Variants in COL5A1 observed in about 807,000 individuals in gnomAD.
COL5A1 encodes the protein collagen alpha-1(V) chain.
A neutral mutation model predicts 263.7 loss-of-function variants in COL5A1; 16 were observed. The ratio of observed to expected loss-of-function variants is 0.06; its 90% CI spans 0.04 to 0.09. The LOEUF is 0.09. COL5A1 is among the 10% of genes least tolerant of loss of function. The probability of loss-of-function intolerance (pLI) is 1.00; values close to 1 mark genes in which losing one functional copy is unlikely to be tolerated. For synonymous variants in COL5A1, 1,012 were observed against 1,004.5 expected, an observed-to-expected ratio of 1.01 and a Z score of -0.14; for missense variants, 2,036 against 2,540.5, an observed-to-expected ratio of 0.80 and a Z score of 4.27.
chr9:134,737,985 T>C (rs7041099), intron 9 of COL5A1, among the ~76,000 whole-genome samples: 89,997 of 152,036 alleles, frequency 0.59, 28,273 homozygotes, highest in African/African-American at 0.81. Flanking sequence ...GTTGCAGCCC[T>C]GGGGCCTGAC....
Position 134,742,438 on chromosome 9 carries a change from C to T in COL5A1, c.1494+3630C>T, listed in dbSNP as rs750133541. Reference sequence around the variant, plus strand: ...GCTGTGTCCGGGTGGAGAAGGGGCTCGAACCATCATCCCATCCAGTTTCCC... The same window carrying T: ...GCTGTGTCCGGGTGGAGAAGGGGCTTGAACCATCATCCCATCCAGTTTCCC... On this transcript the variant is annotated intron_variant, in intron 11 of 65. Coordinates refer to ENST00000371817, the MANE Select transcript of COL5A1 (RefSeq NM_000093.5). The surrounding 1 kb of genome is among the most constrained non-coding windows in gnomAD (Gnocchi z 4.6). Among the ~76,000 whole-genome samples, 17 of 151,826 alleles carry T rather than the reference C, an allele frequency of 1.1e-4. No individual in the cohort carries two copies. Among genetic ancestry groups the T allele is most frequent in the African/African-American group, 3.6e-4 (15 of 41,318 alleles).
In COL5A1 at chr9:134,681,109, T is replaced by C. The variant is rs1329346108; in HGVS notation, c.110-9803T>C. Among the ~76,000 whole-genome samples, 1 of 152,130 alleles carries C rather than the reference T, an allele frequency of 6.6e-6. No homozygotes were observed. On this transcript the variant is annotated intron_variant, in intron 1 of 65. Transcript: ENST00000371817. The surrounding 1 kb of genome is among the most constrained non-coding windows in gnomAD (Gnocchi z 4.3). Reference sequence around the variant, plus strand: ...TCAGTCGCAGCCTCCAGAGCGCCTCTGTTTTTCGACCTGCTGGGTTGACCT... The same window carrying C: ...TCAGTCGCAGCCTCCAGAGCGCCTCCGTTTTTCGACCTGCTGGGTTGACCT...
intron 1 of COL5A1, among the ~76,000 whole-genome samples, chr9:134,675,235 G>C (rs1443631170): frequency 6.6e-6 from 1 of 152,164 alleles, no homozygotes; most frequent in Non-Finnish European, 1.5e-5. Context: ...GGAGCATAAA[G>C]AGAATGAATG....
intron 63 of COL5A1, among the ~76,000 whole-genome samples, chr9:134,826,722 G>GTA: frequency 1.2e-5 from 1 of 83,312 alleles, no homozygotes; most frequent in Non-Finnish European, 2.3e-5. Context: ...TGTGTGGGTG[G>GTA]TGTGTGGGTG....
intron 52 of COL5A1, among the ~76,000 whole-genome samples, chr9:134,816,410 G>A (rs1196065534): frequency 6.6e-6 from 1 of 152,244 alleles, no homozygotes; most frequent in South Asian, 2.1e-4. Context: ...TTTAAACACC[G>A]CTTCAAGCCC....
chr9:134,759,368 GCA>G (rs148297957), intron 18 of COL5A1, among the ~76,000 whole-genome samples: 6,140 of 101,324 alleles, frequency 0.061, 263 homozygotes, highest in East Asian at 0.19. Flanking sequence ...ATACACAGAT[GCA>G]CACACACCAC....
At chr9:134,735,890 G>A (rs898780204) in intron 9 of COL5A1, among the ~76,000 whole-genome samples, 1 of 152,256 alleles carries the variant, frequency 6.6e-6, no homozygotes, top group Non-Finnish European at 1.5e-5. Flanking sequence ...GGATGGGAGG[G>A]GTGGGGAGAT....
chr9:134,745,028 A>C (rs1446906681), intron 11 of COL5A1, among the ~76,000 whole-genome samples: 1 of 152,244 alleles, frequency 6.6e-6, no homozygotes, highest in Non-Finnish European at 1.5e-5. Flanking sequence ...AATCCCCAGC[A>C]GCCTGGTCGT....
chr9:134,823,077 G>A (rs769741521), intron 60 of COL5A1, 44 bp downstream of exon 60: 14 of 1,611,300 alleles, frequency 8.7e-6, no homozygotes, highest in African/African-American at 1.3e-5. Context: ...TGGAAGGTAG[G>A]GGAGGGCGAC....
intron 45 of COL5A1, 37 bp downstream of exon 45, chr9:134,811,429 A>G: frequency 6.2e-7 from 1 of 1,613,108 alleles, no homozygotes; most frequent in Non-Finnish European, 8.5e-7. Flanking sequence ...GAAAAGCCCC[A>G]CGCCCCCCCA....
chr9:134,699,855 G>A (rs1833606227), intron 2 of COL5A1, 54 bp from the exon 3 acceptor site: 1 of 1,556,062 alleles, frequency 6.4e-7, no homozygotes, highest in African/African-American at 1.4e-5. Flanking sequence ...GCCATGGCTG[G>A]GTGTGGTTGC....
rs116962045 is a variant in COL5A1 at position 134,823,703 on chromosome 9, C to T, written c.4698+234C>T. 2.6e-3 allele frequency among the ~76,000 whole-genome samples: 397 copies of T among 152,308 alleles called. 7 individuals are homozygous for T. The East Asian group carries it at 0.064, about 25-fold the overall frequency. On this transcript the variant is annotated intron_variant, in intron 61 of 65. Coordinates refer to ENST00000371817, the MANE Select transcript of COL5A1 (RefSeq NM_000093.5). Reference sequence around the variant, plus strand: ...AGCTGGCCAGGAGAGAGAGGATACACGTGTGTGCTGTGTGTGCATGCATGG... The same window carrying T: ...AGCTGGCCAGGAGAGAGAGGATACATGTGTGTGCTGTGTGTGCATGCATGG...
chr9:134,837,944 C>A (rs1036193012), intron 65 of COL5A1, among the ~76,000 whole-genome samples: 1 of 152,242 alleles, frequency 6.6e-6, no homozygotes, highest in Non-Finnish European at 1.5e-5. Context: ...ACCATAGCCC[C>A]TTCCTGGCAT....
At position 134,700,388 on chromosome 9, in the gene COL5A1, A is replaced by T. The variant is rs572876814; in HGVS notation, c.491+266A>T. Reference sequence around the variant, plus strand: ...TGTAAAGTGCACTAAAGCACATCAAATTCCCGCCTGTTTGTGTCAGAAGGG... The same window carrying T: ...TGTAAAGTGCACTAAAGCACATCAATTTCCCGCCTGTTTGTGTCAGAAGGG... On this transcript the variant is annotated intron_variant, in intron 3 of 65. Coordinates refer to ENST00000371817, the MANE Select transcript of COL5A1 (RefSeq NM_000093.5). The surrounding 1 kb of genome is among the most constrained non-coding windows in gnomAD (Gnocchi z 4.0). Among the ~76,000 whole-genome samples the T allele has an allele frequency of 1.2e-4, 19 of 152,312 alleles. No individual in the cohort carries two copies. The highest frequency in any genetic ancestry group is 9.8e-4 in the Admixed American group (15 of 15,302).
At chr9:134,661,847 A>T (rs1379407787) in intron 1 of COL5A1, among the ~76,000 whole-genome samples, 1 of 152,070 alleles carries the variant, frequency 6.6e-6, no homozygotes, top group African/African-American at 2.4e-5. Flanking sequence ...TGTTCCTCCG[A>T]CCGCTTCTTC....
chr9:134,699,715 G>T (rs756276311), intron 2 of COL5A1, among the ~76,000 whole-genome samples, 194 bp from the exon 3 acceptor site: 7 of 152,316 alleles, frequency 4.6e-5, no homozygotes, highest in Non-Finnish European at 1.0e-4. Flanking sequence ...AAGGGGGCAG[G>T]TTTGGCCAAG....
At chr9:134,685,616 A>G (rs548534674) in intron 1 of COL5A1, among the ~76,000 whole-genome samples, 58 of 31,342 alleles carry the variant, frequency 1.9e-3, no homozygotes, top group African/African-American at 3.2e-3. Context: ...TCATCCATCC[A>G]TCCACCATCC....
In COL5A1 at chr9:134,765,995, C is replaced by A. The variant is rs541514360; in HGVS notation, c.2088+261C>A. Among the ~76,000 whole-genome samples the A allele has an allele frequency of 5.3e-5, 8 of 152,372 alleles. No individual in the cohort carries two copies. The highest frequency in any genetic ancestry group is 5.2e-4 in the Admixed American group (8 of 15,312). On this transcript the variant is annotated intron_variant, in intron 21 of 65. Coordinates refer to ENST00000371817, the MANE Select transcript of COL5A1 (RefSeq NM_000093.5). The surrounding 1 kb of genome is among the most constrained non-coding windows in gnomAD (Gnocchi z 5.1). ...TCACCCTGGCTGCACTTCCTCCTGG[C>A]AGACAGCATGTGCTATTTCAGTTAT...
In COL5A1 at chr9:134,725,760, C is replaced by T. The variant is rs551187045; in HGVS notation, c.655-1506C>T. 8.0e-4 allele frequency among the ~76,000 whole-genome samples: 122 copies of T among 152,316 alleles called. 1 individual carries two copies. Among genetic ancestry groups the T allele is most frequent in the Non-Finnish European group, 1.3e-3 (90 of 68,030 alleles). On this transcript the variant is annotated intron_variant, in intron 4 of 65. Transcript: ENST00000371817. ...CAGTTGTTAGCAGTGTGGGTTCATC[C>T]GCCTTGTAGTGTGGGGCAGTACTTC...
Sources: gnomAD v4.1 joint callset for allele counts (sites outside exome capture counted in the v4.1 genomes callset) on GRCh38, gnomAD v4.1.1 for gene constraint, Gnocchi (gnomAD v3.1) non-coding constraint, MANE v1.5 for transcripts, NCBI Gene and HGNC (gene_info 2026-07-23, HGNC 2026-07-21) for gene names.